Variants in GABRA5 observed in about 807,000 individuals in gnomAD.
The protein encoded by GABRA5 is gamma-aminobutyric acid receptor subunit alpha-5.
In GABRA5, 18 loss-of-function variants were observed where a neutral mutation model predicts 47.3. That is an observed-to-expected ratio of 0.38 (90% CI 0.26 to 0.56). The LOEUF (loss-of-function observed/expected upper bound fraction) is 0.56, where lower values mean the gene tolerates loss of function less well. Among genes scored for constraint, GABRA5 ranks in the 20% least tolerant of loss-of-function variants. The pLI, the probability that GABRA5 is intolerant of heterozygous loss-of-function variation, is 0.71. For missense variants in GABRA5, 365 were observed against 599.3 expected, an observed-to-expected ratio of 0.61 and a Z score of 4.08; for synonymous variants, 237 against 229.3, an observed-to-expected ratio of 1.03 and a Z score of -0.30.
chr15:26,902,534 G>T (rs970325956), intron 6 of GABRA5, among the ~76,000 whole-genome samples: 10 of 152,042 alleles, frequency 6.6e-5, no homozygotes, highest in Non-Finnish European at 1.2e-4. Context: ...TTCTGTTGTT[G>T]ATTCTTTCAG....
chr15:26,924,758 G>T (rs1893921179), intron 7 of GABRA5, among the ~76,000 whole-genome samples: 1 of 152,160 alleles, frequency 6.6e-6, no homozygotes, highest in Admixed American at 6.5e-5. Flanking sequence ...TGTCTAAAAG[G>T]TTTCTTGTCC....
intron 10 of GABRA5, among the ~76,000 whole-genome samples, chr15:26,944,526 A>T (rs1894465380): frequency 1.3e-5 from 2 of 152,164 alleles, no homozygotes; most frequent in South Asian, 2.1e-4. Flanking sequence ...GGCCTCGGGC[A>T]TGGGTATGCT....
chr15:26,909,705 A>G (rs1189215545), intron 6 of GABRA5, among the ~76,000 whole-genome samples: 1 of 152,214 alleles, frequency 6.6e-6, no homozygotes, highest in Non-Finnish European at 1.5e-5. Flanking sequence ...CCCTCTTAGA[A>G]GGACCTTTGT....
intron 7 of GABRA5, among the ~76,000 whole-genome samples, chr15:26,920,110 T>C (rs1893809010): frequency 6.6e-6 from 1 of 152,154 alleles, no homozygotes. Flanking sequence ...CCTCTGTACT[T>C]CCTAGATCTG....
At chr15:26,892,767 C>A (rs1260199674) in intron 6 of GABRA5, among the ~76,000 whole-genome samples, 1 of 152,058 alleles carries the variant, frequency 6.6e-6, no homozygotes, top group East Asian at 1.9e-4. Flanking sequence ...AGAAGAGGAT[C>A]GTGGGATGGA....
intron 7 of GABRA5, among the ~76,000 whole-genome samples, chr15:26,926,875 G>C (rs940457160): frequency 5.9e-5 from 9 of 152,106 alleles, no homozygotes; most frequent in Non-Finnish European, 1.2e-4. Context: ...ACTACGTGAT[G>C]TCCTGATTAT....
intron 7 of GABRA5, among the ~76,000 whole-genome samples, chr15:26,929,037 GGACACAGTTATTTAGTCT>G (rs1034735310): frequency 8.5e-5 from 12 of 140,616 alleles, no homozygotes; most frequent in African/African-American, 2.9e-4. Context: ...ATTTTGGGGG[GGACACAGTTATTTAGTCT>G]ATCACATTCT....
rs565963272 is a variant in GABRA5, at chr15:26,945,252, C to T, written c.1089+1826C>T. Among the ~76,000 whole-genome samples, 6 of 152,306 alleles carry T rather than the reference C, an allele frequency of 3.9e-5. No homozygotes were observed. In the South Asian group the frequency reaches 1.2e-3, roughly 32 times the overall value. On this transcript the variant is annotated intron_variant, in intron 10 of 10. Transcript: ENST00000335625. ...ATCTGCAGGCATGCAGGCCTCACAC[C>T]CCGCGGTCAGACACTGGCGCGAGCG... is the stretch of plus-strand genomic sequence containing the variant.
rs773607442 is a variant in GABRA5, at chr15:26,869,275, T to C, written c.27T>C (p.Phe9=). The C allele has an allele frequency of 1.2e-5, 20 of 1,607,708 alleles. No individual in the cohort carries two copies. The highest frequency in any genetic ancestry group is 8.5e-7 in the Non-Finnish European group (1 of 1,174,252). The change falls in exon 3 of 11, where the codon TTT becomes TTC. Residue 9 remains phenylalanine (F), a synonymous_variant. Transcript: ENST00000335625. ...TGGACAATGGAATGTTCTCTGGTTT[T>C]ATCATGATCAAAAACCTCCTTCTCT... MDNGMFSG[F]IMIKNLLLFC... is the part of the protein sequence containing the mutation.
At chr15:26,914,284 G>A (rs890547683) in intron 6 of GABRA5, among the ~76,000 whole-genome samples, 13 of 152,126 alleles carry the variant, frequency 8.5e-5, no homozygotes, top group African/African-American at 2.7e-4. Flanking sequence ...AAATTTGGGC[G>A]TGTAGGAAAA....
At chr15:26,908,932 A>G (rs1304101066) in intron 6 of GABRA5, among the ~76,000 whole-genome samples, 1 of 152,218 alleles carries the variant, frequency 6.6e-6, no homozygotes, top group African/African-American at 2.4e-5. Flanking sequence ...ATTTCAAAAT[A>G]TGCATGGGGC....
intron 6 of GABRA5, among the ~76,000 whole-genome samples, chr15:26,910,182 C>T (rs1017285673): frequency 2.0e-5 from 3 of 151,924 alleles, no homozygotes; most frequent in African/African-American, 7.3e-5. Context: ...GGCCATTTTA[C>T]CCATCATAAA....
At chr15:26,870,828 AC>A in intron 3 of GABRA5, among the ~76,000 whole-genome samples, 1 of 152,240 alleles carries the variant, frequency 6.6e-6, no homozygotes, top group East Asian at 1.9e-4. Context: ...TGTTTGATAT[AC>A]CGCATATATT....
intron 6 of GABRA5, among the ~76,000 whole-genome samples, chr15:26,896,012 C>T (rs1000924917): frequency 1.3e-5 from 2 of 152,090 alleles, no homozygotes; most frequent in East Asian, 1.9e-4. Flanking sequence ...TCCCTGCACC[C>T]TGTGGTCGCA....
chr15:26,914,581 C>G (rs888989174), intron 6 of GABRA5, among the ~76,000 whole-genome samples: 2 of 152,184 alleles, frequency 1.3e-5, no homozygotes, highest in Non-Finnish European at 2.9e-5. Context: ...GGTACACACC[C>G]TAAGCCACCG....
chr15:26,879,499 C>CT (rs1892677045), intron 3 of GABRA5, among the ~76,000 whole-genome samples: 1 of 152,128 alleles, frequency 6.6e-6, no homozygotes, highest in East Asian at 1.9e-4. Context: ...GGGCTCCGTA[C>CT]TAACAGGAGT....
chr15:26,883,631 A>G lies in GABRA5; in HGVS notation c.497+74A>G. The G allele has an allele frequency of 8.3e-7, 1 of 1,204,900 alleles. No individual in the cohort carries two copies. Among genetic ancestry groups the G allele is most frequent in the South Asian group, 1.5e-5 (1 of 65,682 alleles). 74.6% of individuals were successfully genotyped at this position (1,204,900 alleles called of 1,614,324 possible). A position where few individuals can be genotyped will look rare whatever the true frequency, so the allele number is the denominator to read the frequency against. On this transcript the variant is annotated intron_variant, in intron 6 of 10. Coordinates refer to ENST00000335625, the MANE Select transcript of GABRA5 (RefSeq NM_000810.4). The surrounding 1 kb of genome is among the most constrained non-coding windows in gnomAD (Gnocchi z 4.8). ...GCGCGGCTGCCCATCCTGCCGCAAGAGCTGCGCCGCGGAGCTGTTCTGACC... is the reference window on the plus strand; with the variant it reads ...GCGCGGCTGCCCATCCTGCCGCAAGGGCTGCGCCGCGGAGCTGTTCTGACC...
intron 3 of GABRA5, among the ~76,000 whole-genome samples, chr15:26,875,707 G>A (rs1011476819): frequency 2.6e-4 from 39 of 152,064 alleles, no homozygotes; most frequent in Admixed American, 6.5e-5. Context: ...GGGAGGGAGC[G>A]TCGTCAGGGA....
intron 8 of GABRA5, chr15:26,939,125 C>G (rs1894320364): frequency 1.4e-6 from 1 of 702,004 alleles, no homozygotes; most frequent in South Asian, 1.6e-5. Flanking sequence ...CTTCCTCCAC[C>G]CCTCAAAGAA....
Sources: gnomAD v4.1 joint callset for allele counts (sites outside exome capture counted in the v4.1 genomes callset) on GRCh38, gnomAD v4.1.1 for gene constraint, Gnocchi (gnomAD v3.1) non-coding constraint, MANE v1.5 for transcripts, NCBI Gene and HGNC (gene_info 2026-07-23, HGNC 2026-07-21) for gene names.